PHIP: variants seen among roughly 807,000 people sequenced by gnomAD.
The protein encoded by PHIP is PH-interacting protein.
PHIP carries 54 observed loss-of-function variants against 236.8 expected under a neutral mutation model. That is an observed-to-expected ratio of 0.23 (90% confidence interval 0.18 to 0.29). The LOEUF is 0.29. PHIP is among the 10% of genes least tolerant of loss of function. The probability of loss-of-function intolerance (pLI) is 1.00; values close to 1 mark genes in which losing one functional copy is unlikely to be tolerated. For missense variants in PHIP, 1,370 were observed against 2,190.8 expected (o/e 0.63, Z 7.48); for synonymous variants, 756 against 718.9 (o/e 1.05, Z -0.83).
rs753386062 is a variant in PHIP, at chr6:79,015,800, GT to G, written c.1236-18del. On this transcript the variant is annotated intron_variant, in intron 13 of 39. Transcript: ENST00000275034. ...AGGTTTTGGCTGAAAGTGAGGAAGT[GT>G]TTTACACTGACTATTAAAATACTGA... is the stretch of plus-strand genomic sequence containing the variant. The G allele has an allele frequency of 6.3e-7, 1 of 1,589,870 alleles. No individual in the cohort carries two copies. Among genetic ancestry groups the G allele is most frequent in the Non-Finnish European group, 8.6e-7 (1 of 1,166,836 alleles).
chr6:78,970,268 T>A, intron 25 of PHIP, 95 bp from the exon 26 acceptor site: 3 of 1,040,478 alleles, frequency 2.9e-6, no homozygotes, highest in Non-Finnish European at 4.3e-6. Context: ...TTGGTTTAAA[T>A]CTTGATCTGG....
At chr6:78,980,028 C>T (rs1034658449) in intron 23 of PHIP, among the ~76,000 whole-genome samples, 8 of 151,894 alleles carry the variant, frequency 5.3e-5, no homozygotes, top group African/African-American at 1.2e-4. Context: ...ATTTACTGTA[C>T]GTGAGATGGG....
intron 27 of PHIP, among the ~76,000 whole-genome samples, chr6:78,968,220 AAACC>A (rs1767277157): frequency 6.6e-6 from 1 of 152,178 alleles, no homozygotes; most frequent in Non-Finnish European, 1.5e-5. Flanking sequence ...CTGATAGCCA[AAACC>A]AAGAAAAATG....
At chr6:78,943,712 C>G (rs979390867) in intron 39 of PHIP, among the ~76,000 whole-genome samples, 3 of 151,898 alleles carry the variant, frequency 2.0e-5, no homozygotes, top group African/African-American at 7.3e-5. Context: ...CTTGGCTGGG[C>G]GTGGTGGCTC....
intron 19 of PHIP, among the ~76,000 whole-genome samples, chr6:78,994,450 G>A (rs185381507): frequency 4.6e-5 from 7 of 152,226 alleles, no homozygotes; most frequent in East Asian, 1.9e-4. Flanking sequence ...GGTGGCATGC[G>A]CCTGTAGTCC....
intron 6 of PHIP, among the ~76,000 whole-genome samples, chr6:79,055,026 TC>T: frequency 6.6e-6 from 1 of 152,176 alleles, no homozygotes; most frequent in African/African-American, 2.4e-5. Flanking sequence ...CAAAGTTTTT[TC>T]CTTACCCTCA....
intron 6 of PHIP, among the ~76,000 whole-genome samples, chr6:79,053,408 T>C (rs1045987102): frequency 1.3e-5 from 2 of 152,190 alleles, no homozygotes; most frequent in African/African-American, 4.8e-5. Flanking sequence ...CAAAGGTATT[T>C]TATACTAACA....
intron 19 of PHIP, among the ~76,000 whole-genome samples, chr6:78,992,781 T>A (rs1769349925): frequency 1.3e-5 from 2 of 152,272 alleles, no homozygotes; most frequent in African/African-American, 4.8e-5. Context: ...ATCTTCTCCC[T>A]CTCCTCAGGC....
chr6:78,969,318 T>C (rs921051739), intron 27 of PHIP, among the ~76,000 whole-genome samples: 12 of 152,192 alleles, frequency 7.9e-5, no homozygotes, highest in Non-Finnish European at 1.5e-4. Flanking sequence ...ACTGGTCCTA[T>C]ATGAAATTTT....
chr6:79,077,913 TCTGCGCG>T lies in PHIP; in HGVS notation c.41-7_41-1del. ...GAACCGGGCGATGAGGAAGTAGAGC[TCTGCGCG>T]GGAGAGAGGGACGGGGAGACACACA... On this transcript the variant is annotated splice_acceptor_variant and splice_polypyrimidine_tract_variant and intron_variant, in intron 1 of 39. Transcript: ENST00000275034. LOFTEE classifies it high-confidence loss of function. The T allele has an allele frequency of 6.3e-7, 1 of 1,594,052 alleles. No homozygotes were observed. The highest frequency in any genetic ancestry group is 8.5e-7 in the Non-Finnish European group (1 of 1,171,536).
At chr6:79,053,463 AAAGTT>A in intron 6 of PHIP, among the ~76,000 whole-genome samples, 1 of 152,330 alleles carries the variant, frequency 6.6e-6, no homozygotes, top group Middle Eastern at 3.4e-3. Flanking sequence ...ATGTGCCATA[AAAGTT>A]AATTTAACTG....
At position 79,038,884 on chromosome 6, in the gene PHIP, A is replaced by G. The variant is rs937467247; in HGVS notation, c.600+3959T>C. On this transcript the variant is annotated intron_variant, in intron 7 of 39. Transcript: ENST00000275034. ...TCCCCTTAAATTCCTACCACAGTAA[A>G]TGACAGGACTTTCTAAATCACAGAA... 2.0e-5 allele frequency among the ~76,000 whole-genome samples: 3 copies of G among 152,180 alleles called. No homozygotes were observed. The East Asian group carries it at 5.8e-4, about 29-fold the overall frequency.
chr6:79,023,383 AGCCACTGT>A lies in PHIP; in HGVS notation c.923+2128_923+2135del, dbSNP rs1474281337. Among the ~76,000 whole-genome samples the A allele has an allele frequency of 3.3e-5, 5 of 152,298 alleles. No individual in the cohort carries two copies. The East Asian group carries it at 9.6e-4, about 29-fold the overall frequency. Reference sequence around the variant, plus strand: ...AAAGTCCTGGGATTAGATAAGAATGAGCCACTGTGCCCAGCCAGAGTACTCATTCTTAT... The same window carrying A: ...AAAGTCCTGGGATTAGATAAGAATGAGCCCAGCCAGAGTACTCATTCTTAT... On this transcript the variant is annotated intron_variant, in intron 9 of 39. Transcript: ENST00000275034.
intron 4 of PHIP, among the ~76,000 whole-genome samples, chr6:79,062,726 A>C (rs138427870): frequency 6.0e-4 from 92 of 152,336 alleles, no homozygotes; most frequent in African/African-American, 2.1e-3. Context: ...TTTCAAAATC[A>C]ACTTTCATTT....
chr6:78,978,772 T>C lies in PHIP; in HGVS notation c.2770-61A>G, dbSNP rs969545247. 7 of 1,331,662 alleles carry C rather than the reference T, an allele frequency of 5.3e-6. No homozygotes were observed. In the African/African-American group the frequency reaches 5.8e-5, roughly 11 times the overall value. The allele number at this position is 1,331,662 out of a possible 1,614,324, so 82.5% of individuals were successfully genotyped here. On this transcript the variant is annotated intron_variant, in intron 23 of 39. Coordinates refer to ENST00000275034, the MANE Select transcript of PHIP (RefSeq NM_017934.7). ...TCAAAAAAGCATTAATCCACAAATC[T>C]ACTCTTTAAAATAACTATAAAGATA... is the stretch of plus-strand genomic sequence containing the variant.
chr6:79,063,195 G>A (rs1306613577), intron 4 of PHIP, among the ~76,000 whole-genome samples: 1 of 152,090 alleles, frequency 6.6e-6, no homozygotes, highest in Non-Finnish European at 1.5e-5. Context: ...GAGAGATTGG[G>A]CCATGTTTAC....
At chr6:78,972,251 C>G (rs1465702387) in intron 24 of PHIP, among the ~76,000 whole-genome samples, 111 of 139,206 alleles carry the variant, frequency 8.0e-4, no homozygotes, top group South Asian at 1.8e-3. Context: ...CTGGGAGGCA[C>G]CCTCCAGCAG....
At chr6:78,945,737 T>C (rs1773778373) in intron 38 of PHIP, 2 of 600,626 alleles carry the variant, frequency 3.3e-6, no homozygotes, top group South Asian at 2.2e-5. Flanking sequence ...TCTTGGCAAA[T>C]TGCTAGCTAG....
At chr6:79,029,573 T>C (rs1771568820) in intron 7 of PHIP, among the ~76,000 whole-genome samples, 2 of 152,192 alleles carry the variant, frequency 1.3e-5, no homozygotes, top group Admixed American at 1.3e-4. Context: ...TCTGTTACCC[T>C]GGCTGGAGTA....
Sources: gnomAD v4.1 joint callset for allele counts (sites outside exome capture counted in the v4.1 genomes callset) on GRCh38, gnomAD v4.1.1 for gene constraint, MANE v1.5 for transcripts, NCBI Gene and HGNC (gene_info 2026-07-23, HGNC 2026-07-21) for gene names.